The following GUCY1A2 variants were observed in gnomAD, a reference collection of about 807,000 sequenced individuals.
GUCY1A2 encodes guanylate cyclase soluble subunit alpha-2.
In GUCY1A2, 27 loss-of-function variants were observed where a neutral mutation model predicts 63.5. The observed-to-expected ratio is 0.43, with a 90% CI of 0.31 to 0.59. GUCY1A2 has a LOEUF of 0.59. Ranked by LOEUF, GUCY1A2 falls within the 20% of genes least tolerant of loss-of-function variation. GUCY1A2 has a pLI of 0.11. For synonymous variants in GUCY1A2, 364 were observed against 343.5 expected, an observed-to-expected ratio of 1.06 and a Z score of -0.66; for missense variants, 768 against 913.3, an observed-to-expected ratio of 0.84 and a Z score of 2.05.
chr11:106,853,699 C>T (rs1373877695), intron 4 of GUCY1A2, among the ~76,000 whole-genome samples: 1 of 152,106 alleles, frequency 6.6e-6, no homozygotes, highest in East Asian at 1.9e-4. Context: ...TTGTAAGTGT[C>T]ATGTTTCCTT....
At chr11:106,823,127 T>C (rs1337953562) in intron 4 of GUCY1A2, among the ~76,000 whole-genome samples, 4 of 152,166 alleles carry the variant, frequency 2.6e-5, no homozygotes, top group Non-Finnish European at 5.9e-5. Flanking sequence ...GGGGAACATG[T>C]ACATGTTTGT....
chr11:106,907,136 A>G (rs1860219661), intron 4 of GUCY1A2, among the ~76,000 whole-genome samples: 1 of 151,904 alleles, frequency 6.6e-6, no homozygotes, highest in Non-Finnish European at 1.5e-5. Flanking sequence ...ACTGACACCA[A>G]CTCCATTTCT....
intron 4 of GUCY1A2, among the ~76,000 whole-genome samples, chr11:106,834,183 G>A (rs1859087976): frequency 2.0e-5 from 3 of 151,814 alleles, no homozygotes; most frequent in African/African-American, 7.3e-5. Context: ...ACTTGCAAAT[G>A]TGCACCCTTT....
chr11:106,995,141 G>A (rs1480084356), intron 1 of GUCY1A2, among the ~76,000 whole-genome samples: 1 of 152,098 alleles, frequency 6.6e-6, no homozygotes. Context: ...GATGGCATAG[G>A]GCTGATTCAG....
intron 5 of GUCY1A2, among the ~76,000 whole-genome samples, chr11:106,800,748 G>A (rs1263085233): frequency 6.6e-6 from 1 of 152,082 alleles, no homozygotes; most frequent in African/African-American, 2.4e-5. Flanking sequence ...TGGGGTAGGG[G>A]GAAGGGGGAG....
chr11:106,803,141 G>A (rs919589255), intron 5 of GUCY1A2, among the ~76,000 whole-genome samples: 26 of 152,192 alleles, frequency 1.7e-4, no homozygotes, highest in Middle Eastern at 3.4e-3. Flanking sequence ...GAATATAGAA[G>A]AAAAATAATT....
In GUCY1A2 at chr11:106,789,914, C is replaced by G. The variant is rs547071658; in HGVS notation, c.1693-13332G>C. On this transcript the variant is annotated intron_variant, in intron 5 of 7. Transcript: ENST00000526355. The stretch of plus-strand genomic sequence containing the variant: ...CTTGGGATAGAGGGACACAAACAAC[C>G]CTGTGGCCACCAACACTAGGACAGT... 2.6e-5 allele frequency among the ~76,000 whole-genome samples: 4 copies of G among 152,270 alleles called. 1 individual carries two copies. Among genetic ancestry groups the G allele is most frequent in the African/African-American group, 7.2e-5 (3 of 41,562 alleles).
chr11:106,774,335 C>A (rs1864317033), intron 6 of GUCY1A2, among the ~76,000 whole-genome samples: 2 of 151,956 alleles, frequency 1.3e-5, no homozygotes, highest in Non-Finnish European at 1.5e-5. Flanking sequence ...GTTTCACCAT[C>A]TTGGCCAAAC....
chr11:106,769,065 AT>A (rs1394247778), intron 6 of GUCY1A2, among the ~76,000 whole-genome samples: 1 of 152,082 alleles, frequency 6.6e-6, no homozygotes, highest in Non-Finnish European at 1.5e-5. Flanking sequence ...GCACACTAAA[AT>A]TTCCCTGCAA....
intron 4 of GUCY1A2, among the ~76,000 whole-genome samples, chr11:106,879,489 T>C (rs1859795280): frequency 6.6e-6 from 1 of 152,140 alleles, no homozygotes; most frequent in Non-Finnish European, 1.5e-5. Flanking sequence ...CTCCAGGACA[T>C]GGCATATTGC....
intron 4 of GUCY1A2, among the ~76,000 whole-genome samples, chr11:106,924,541 T>C (rs918156906): frequency 6.6e-6 from 1 of 152,228 alleles, no homozygotes; most frequent in East Asian, 1.9e-4. Context: ...GTCCTTGGCA[T>C]GTACTAGCTA....
chr11:106,802,797 A>G (rs1858628585), intron 5 of GUCY1A2, among the ~76,000 whole-genome samples: 1 of 152,042 alleles, frequency 6.6e-6, no homozygotes. Context: ...TAATTCCATC[A>G]TTGAAGTCCC....
intron 6 of GUCY1A2, among the ~76,000 whole-genome samples, chr11:106,759,549 C>T (rs899876073): frequency 6.6e-6 from 1 of 152,154 alleles, no homozygotes; most frequent in African/African-American, 2.4e-5. Context: ...AGGGTAATTG[C>T]TGATATAATT....
intron 3 of GUCY1A2, among the ~76,000 whole-genome samples, chr11:106,956,562 TA>T (rs1474666030): frequency 6.6e-6 from 1 of 152,102 alleles, no homozygotes; most frequent in African/African-American, 2.4e-5. Flanking sequence ...TGCAGTTTGC[TA>T]GGGGTTCACT....
chr11:106,742,687 C>T lies in GUCY1A2; in HGVS notation c.1836+33752G>A, dbSNP rs139191538. ...TCTTTATAACAGAATTATTTATATT[C>T]CTTTGGGTACATATCCAGTAATGGG... On this transcript the variant is annotated intron_variant, in intron 6 of 7. Coordinates refer to ENST00000526355, the MANE Select transcript of GUCY1A2 (RefSeq NM_000855.3). 7.8e-3 allele frequency among the ~76,000 whole-genome samples: 1,192 copies of T among 152,154 alleles called. 15 individuals carry two copies. The highest frequency in any genetic ancestry group is 0.026 in the African/African-American group (1,099 of 41,502).
In GUCY1A2 at chr11:106,998,796, T is replaced by C. The variant is rs576179313; in HGVS notation, c.304-12665A>G. Among the ~76,000 whole-genome samples, 3 of 124,968 alleles carry C rather than the reference T, an allele frequency of 2.4e-5. No individual in the cohort carries two copies. The Admixed American group carries it at 2.8e-4, about 11-fold the overall frequency. The allele number at this position is 124,968 out of a possible 152,430, so 82.0% of individuals were successfully genotyped here. A position where few individuals can be genotyped will look rare whatever the true frequency, so the allele number is the denominator to read the frequency against. On this transcript the variant is annotated intron_variant, in intron 1 of 7. Transcript: ENST00000526355. Reference sequence around the variant, plus strand: ...GCCCTAAAGTAGCAGTAATAGTTCATTAAAAAAAAAACAGTTTATAATCCA... The same window carrying C: ...GCCCTAAAGTAGCAGTAATAGTTCACTAAAAAAAAAACAGTTTATAATCCA...
At position 106,886,276 on chromosome 11, in the gene GUCY1A2, G is replaced by C. The variant is rs1859899458; in HGVS notation, c.1206+53184C>G. Among the ~76,000 whole-genome samples the C allele has an allele frequency of 2.0e-5, 3 of 152,076 alleles. No homozygotes were observed. The South Asian group carries it at 6.2e-4, about 32-fold the overall frequency. On this transcript the variant is annotated intron_variant, in intron 4 of 7. Coordinates refer to ENST00000526355, the MANE Select transcript of GUCY1A2 (RefSeq NM_000855.3). ...AGTCTTCCATCCTTTCCTCCTTCCT[G>C]TTAATTGGAATGCATACATAATGCT... is the stretch of plus-strand genomic sequence containing the variant.
intron 5 of GUCY1A2, among the ~76,000 whole-genome samples, chr11:106,782,082 T>C (rs2135406558): frequency 6.6e-6 from 1 of 152,200 alleles, no homozygotes; most frequent in African/African-American, 2.4e-5. Flanking sequence ...AAAAGAACAA[T>C]GTACACAATT....
At chr11:106,884,975 T>C (rs1457172467) in intron 4 of GUCY1A2, among the ~76,000 whole-genome samples, 5 of 152,260 alleles carry the variant, frequency 3.3e-5, no homozygotes, top group Admixed American at 6.5e-5. Flanking sequence ...TTTTCTTTGC[T>C]ATTCTTAAGA....
Sources: allele counts gnomAD v4.1 joint callset (sites outside exome capture counted in the v4.1 genomes callset), GRCh38; gene constraint gnomAD v4.1.1; transcripts MANE v1.5; gene names NCBI Gene and HGNC (gene_info 2026-07-23, HGNC 2026-07-21).